Variants in FRAS1 observed in about 807,000 individuals in gnomAD.
FRAS1 encodes the protein Fraser extracellular matrix complex subunit 1, also known as extracellular matrix organizing protein FRAS1.
A neutral mutation model predicts 435.2 loss-of-function variants in FRAS1; 290 were observed. The ratio of observed to expected loss-of-function variants is 0.67; its 90% CI spans 0.61 to 0.73. The LOEUF is 0.73. FRAS1 is among the 30% of genes least tolerant of loss of function. The probability of loss-of-function intolerance (pLI) is 0.00; values close to 1 mark genes in which losing one functional copy is unlikely to be tolerated. For missense variants in FRAS1, 4,860 were observed against 5,001.5 expected (o/e 0.97, Z 0.85); for synonymous variants, 1,800 against 1,851.0 (o/e 0.97, Z 0.71).
chr4:78,484,651 A>T (rs1487056268), intron 58 of FRAS1, among the ~76,000 whole-genome samples: 2 of 152,180 alleles, frequency 1.3e-5, no homozygotes, highest in African/African-American at 2.4e-5. Flanking sequence ...CATGAACAAG[A>T]TTATGACACT....
chr4:78,321,607 G>T (rs758144341), intron 18 of FRAS1, among the ~76,000 whole-genome samples: 43 of 152,126 alleles, frequency 2.8e-4, no homozygotes, highest in Admixed American at 1.3e-3. Flanking sequence ...ACTTTGGGAG[G>T]CCGAGGCAGG....
chr4:78,210,204 T>C (rs796468713), intron 2 of FRAS1, among the ~76,000 whole-genome samples: 23 of 152,304 alleles, frequency 1.5e-4, no homozygotes, highest in African/African-American at 5.3e-4. Flanking sequence ...TCTCTTTTAT[T>C]TAATCTATCT....
Position 78,204,734 on chromosome 4 carries a change from G to T in FRAS1, c.109-32776G>T, listed in dbSNP as rs72657004. Among the ~76,000 whole-genome samples the T allele has an allele frequency of 2.2e-3, 328 of 152,254 alleles. 1 individual carries two copies. Among genetic ancestry groups the T allele is most frequent in the Non-Finnish European group, 4.0e-3 (270 of 68,022 alleles). On this transcript the variant is annotated intron_variant, in intron 2 of 73. Coordinates refer to ENST00000512123, the MANE Select transcript of FRAS1 (RefSeq NM_025074.7). ...TGACTAACTCTGAACTATTTGGATTGTGTATTCTTTAAAATTCAAAATGTT... is the reference window on the plus strand; with the variant it reads ...TGACTAACTCTGAACTATTTGGATTTTGTATTCTTTAAAATTCAAAATGTT...
At chr4:78,472,516 A>C (rs558033966) in intron 52 of FRAS1, among the ~76,000 whole-genome samples, 186 bp downstream of exon 52, 1 of 152,200 alleles carries the variant, frequency 6.6e-6, no homozygotes, top group Non-Finnish European at 1.5e-5. Context: ...CCCTGTGATG[A>C]TGAACTATGG....
intron 2 of FRAS1, among the ~76,000 whole-genome samples, chr4:78,105,896 G>C (rs936061447): frequency 7.3e-6 from 1 of 136,630 alleles, no homozygotes; most frequent in Non-Finnish European, 1.6e-5. Context: ...TGCGCGCACC[G>C]TGCGCGAGCC....
At chr4:78,356,993 G>A (rs74474898) in intron 20 of FRAS1, among the ~76,000 whole-genome samples, 3,673 of 152,086 alleles carry the variant, frequency 0.024, 171 homozygotes, top group African/African-American at 0.083. Flanking sequence ...CCCAGGTACC[G>A]AGAGGCTCTT....
intron 20 of FRAS1, among the ~76,000 whole-genome samples, chr4:78,345,694 C>A (rs1285048391): frequency 2.0e-5 from 3 of 152,002 alleles, no homozygotes; most frequent in African/African-American, 7.2e-5. Context: ...ACCCTCTCTA[C>A]AGAACTTTCA....
At chr4:78,080,643 T>G (rs1341436281) in intron 2 of FRAS1, among the ~76,000 whole-genome samples, 2 of 152,158 alleles carry the variant, frequency 1.3e-5, no homozygotes, top group African/African-American at 4.8e-5. Context: ...AATTACATAG[T>G]TTAAACTGCA....
intron 15 of FRAS1, among the ~76,000 whole-genome samples, chr4:78,310,860 A>AT (rs1458629444): frequency 6.6e-6 from 1 of 152,210 alleles, no homozygotes; most frequent in Non-Finnish European, 1.5e-5. Flanking sequence ...GGGTTTAACA[A>AT]TTTATAACCT....
chr4:78,465,501 C>T (rs1719499725), intron 49 of FRAS1, among the ~76,000 whole-genome samples: 1 of 152,206 alleles, frequency 6.6e-6, no homozygotes, highest in Non-Finnish European at 1.5e-5. Context: ...AAAGGGCAAG[C>T]TATGCAGTTA....
intron 14 of FRAS1, among the ~76,000 whole-genome samples, chr4:78,295,579 T>C (rs1225195926): frequency 2.0e-5 from 3 of 152,214 alleles, no homozygotes; most frequent in Non-Finnish European, 2.9e-5. Flanking sequence ...TTCTCTTGCT[T>C]ATTTGTCTGC....
At chr4:78,453,528 G>A (rs1240324145) in intron 47 of FRAS1, among the ~76,000 whole-genome samples, 1 of 152,226 alleles carries the variant, frequency 6.6e-6, no homozygotes, top group African/African-American at 2.4e-5. Context: ...GCCAGGTGCA[G>A]TGGCTCACAC....
chr4:78,260,186 G>A (rs1726014410), intron 6 of FRAS1, among the ~76,000 whole-genome samples: 1 of 151,596 alleles, frequency 6.6e-6, no homozygotes, highest in Non-Finnish European at 1.5e-5. Context: ...GGCAATGCGG[G>A]CTCTTTTTTG....
At position 78,369,974 on chromosome 4, in the gene FRAS1, C is replaced by T. The variant is rs766780361; in HGVS notation, c.2859C>T (p.Asn953=). The change falls in exon 23 of 74, where the codon AAC becomes AAT. Residue 953 remains asparagine (N), a synonymous_variant. Coordinates refer to ENST00000512123, the MANE Select transcript of FRAS1 (RefSeq NM_025074.7). The part of the protein sequence containing the change: ...APQYYLDFST[N]TCKECDWSCS... ...AGTACTATCTTGACTTCTCCACCAACACGTGCAAAGGTAAAGCTCTTCCTG... is the reference window on the plus strand; with the variant it reads ...AGTACTATCTTGACTTCTCCACCAATACGTGCAAAGGTAAAGCTCTTCCTG... The T allele has an allele frequency of 2.7e-5, 44 of 1,613,212 alleles. No individual in the cohort carries two copies. Among genetic ancestry groups the T allele is most frequent in the Non-Finnish European group, 3.6e-5 (43 of 1,179,472 alleles).
At position 78,432,562 on chromosome 4, in the gene FRAS1, T is replaced by C; in HGVS notation, c.5175T>C (p.Ser1725=). Residue 1725 remains serine, a synonymous_variant, in exon 38 of 74, where the codon AGT becomes AGC. Transcript: ENST00000512123. ...CCTCTCTGAGCATTACTGTTGCCAG[T>C]AAAAGCACAGCCATAATCACTAGGT... ...AGSSLSITVA[S]KSTAIITRSH... The C allele has an allele frequency of 6.2e-7, 1 of 1,610,330 alleles. No individual in the cohort carries two copies. Among genetic ancestry groups the C allele is most frequent in the South Asian group, 1.1e-5 (1 of 90,370 alleles).
chr4:78,105,851 T>G (rs1193377290), intron 2 of FRAS1, among the ~76,000 whole-genome samples: 1 of 144,206 alleles, frequency 6.9e-6, no homozygotes, highest in Non-Finnish European at 1.5e-5. Flanking sequence ...TTCATCTCAC[T>G]AGGGAGTGCC....
chr4:78,070,567 A>G (rs1409724357), intron 2 of FRAS1: 3 of 152,196 alleles, frequency 2.0e-5, no homozygotes, highest in Non-Finnish European at 2.9e-5. Flanking sequence ...CTGGGCTCAC[A>G]AGACTTTCTC....
At chr4:78,282,311 A>G (rs1412412524) in intron 11 of FRAS1, among the ~76,000 whole-genome samples, 1 of 152,234 alleles carries the variant, frequency 6.6e-6, no homozygotes, top group East Asian at 1.9e-4. Context: ...TCTACAGCCC[A>G]TTAAAAGTAG....
At chr4:78,358,224 T>C (rs1436969112) in intron 20 of FRAS1, among the ~76,000 whole-genome samples, 1 of 152,206 alleles carries the variant, frequency 6.6e-6, no homozygotes, top group Non-Finnish European at 1.5e-5. Context: ...TTTTCATACT[T>C]AACCTCACTT....
Sources: gnomAD v4.1 joint callset for allele counts (sites outside exome capture counted in the v4.1 genomes callset) on GRCh38, gnomAD v4.1.1 for gene constraint, MANE v1.5 for transcripts, NCBI Gene and HGNC (gene_info 2026-07-23, HGNC 2026-07-21) for gene names.